RBFOX3: variants seen among roughly 807,000 people sequenced by gnomAD.
RBFOX3 encodes the protein RNA binding fox-1 homolog 3.
Under a neutral mutation model 48.7 loss-of-function variants are expected in RBFOX3, and 17 were observed. The ratio of observed to expected loss-of-function variants is 0.35; its 90% CI spans 0.24 to 0.52. The LOEUF is 0.52. Among genes scored for constraint, RBFOX3 ranks in the 20% least tolerant of loss-of-function variants. The pLI, the probability that RBFOX3 is intolerant of heterozygous loss-of-function variation, is 0.94. For missense variants in RBFOX3, 382 were observed against 497.5 expected, an observed-to-expected ratio of 0.77 and a Z score of 2.21; for synonymous variants, 212 against 209.5, an observed-to-expected ratio of 1.01 and a Z score of -0.10.
chr17:79,328,095 TG>T (rs1423959439), intron 2 of RBFOX3, among the ~76,000 whole-genome samples: 2 of 151,918 alleles, frequency 1.3e-5, no homozygotes, highest in African/African-American at 4.8e-5. Context: ...TGCTGAGCAG[TG>T]GAAAAGGTGG....
At chr17:79,478,584 C>A (rs2078315571) in intron 2 of RBFOX3, among the ~76,000 whole-genome samples, 1 of 152,232 alleles carries the variant, frequency 6.6e-6, no homozygotes, top group African/African-American at 2.4e-5. Context: ...CTTGGCTCCT[C>A]TGTGTGACCC....
rs534125118 is a variant in RBFOX3, at chr17:79,107,811, C to T, written c.223-1023G>A. ...AGGCTGTTTGTTTTCCCGCTCAGCCCACTGGCAAGGCGGGTGGGTGGCACA... is the reference window on the plus strand; with the variant it reads ...AGGCTGTTTGTTTTCCCGCTCAGCCTACTGGCAAGGCGGGTGGGTGGCACA... On this transcript the variant is annotated intron_variant, in intron 5 of 14. Transcript: ENST00000693108. 3.3e-5 allele frequency among the ~76,000 whole-genome samples: 5 copies of T among 152,330 alleles called. No homozygotes were observed. The East Asian group carries it at 7.7e-4, about 24-fold the overall frequency.
Position 79,364,447 on chromosome 17 carries a change from C to T in RBFOX3, c.-174-56623G>A, listed in dbSNP as rs1020661859. On this transcript the variant is annotated intron_variant, in intron 2 of 14. Transcript: ENST00000693108. The surrounding 1 kb of genome is among the most constrained non-coding windows in gnomAD (Gnocchi z 5.1). ...TCTGAACTCTGCGAGGAAAGAGATG[C>T]TCTCTGCAGCTGGGGACAGTGCTGC... Among the ~76,000 whole-genome samples, 1 of 152,242 alleles carries T rather than the reference C, an allele frequency of 6.6e-6. No individual in the cohort carries two copies. Among genetic ancestry groups the T allele is most frequent in the African/African-American group, 2.4e-5 (1 of 41,466 alleles).
chr17:79,319,866 G>A (rs1360875276), intron 2 of RBFOX3, among the ~76,000 whole-genome samples: 1 of 56,180 alleles, frequency 1.8e-5, no homozygotes, highest in African/African-American at 9.6e-5. Flanking sequence ...CTGGGCTGCT[G>A]GTCCTGTCTG....
rs559870659 is a variant in RBFOX3, at chr17:79,428,103, C to T, written c.-175+54351G>A. ...TGGGCCCACAAGGCAGCCACTGTGC[C>T]GAGACAGACTCCGCCTGCAGCAATA... is the stretch of plus-strand genomic sequence containing the variant. On this transcript the variant is annotated intron_variant, in intron 2 of 14. Coordinates refer to ENST00000693108, the MANE Select transcript of RBFOX3 (RefSeq NM_001350451.2). Among the ~76,000 whole-genome samples the T allele has an allele frequency of 2.6e-5, 4 of 152,354 alleles. No individual in the cohort carries two copies. The South Asian group carries it at 6.2e-4, about 24-fold the overall frequency.
intron 4 of RBFOX3, among the ~76,000 whole-genome samples, chr17:79,221,031 A>T (rs79980333): frequency 0.015 from 2,211 of 152,258 alleles, 32 homozygotes; most frequent in African/African-American, 0.04. Context: ...TACCTTCTCC[A>T]CTAACCCACC....
intron 1 of RBFOX3, among the ~76,000 whole-genome samples, chr17:79,590,295 A>G (rs2145069608): frequency 6.6e-6 from 1 of 152,284 alleles, no homozygotes; most frequent in African/African-American, 2.4e-5. Context: ...GTCGTTTTAA[A>G]AGGGAGGGGG....
intron 4 of RBFOX3, among the ~76,000 whole-genome samples, chr17:79,137,506 A>C (rs1225211918): frequency 6.6e-6 from 1 of 152,188 alleles, no homozygotes; most frequent in African/African-American, 2.4e-5. Flanking sequence ...TCGTGCACGC[A>C]GCAGTGCACC....
chr17:79,403,115 G>A (rs1410889778), intron 2 of RBFOX3, among the ~76,000 whole-genome samples: 1 of 152,220 alleles, frequency 6.6e-6, no homozygotes, highest in Non-Finnish European at 1.5e-5. Context: ...CCAGGGGGAA[G>A]GAGGAAGACT....
At chr17:79,626,357 C>A in the RBFOX3 span, among the ~76,000 whole-genome samples, 1 of 152,220 alleles carries the variant, frequency 6.6e-6, no homozygotes, top group Non-Finnish European at 1.5e-5. Context: ...GAAAGCCTTC[C>A]TTCCCAGCTA....
the RBFOX3 span, among the ~76,000 whole-genome samples, chr17:79,646,480 G>T: frequency 1.3e-5 from 2 of 152,214 alleles, no homozygotes; most frequent in Non-Finnish European, 2.9e-5. Context: ...AGGCAAAGGA[G>T]AAGCAAACGC....
At chr17:79,352,532 G>T (rs2084158646) in intron 2 of RBFOX3, among the ~76,000 whole-genome samples, 2 of 152,262 alleles carry the variant, frequency 1.3e-5, no homozygotes, top group Admixed American at 6.5e-5. Context: ...GGGAATGCAT[G>T]GTCTCCAAGT....
chr17:79,384,327 GA>G (rs2060301448), intron 2 of RBFOX3, among the ~76,000 whole-genome samples: 1 of 152,172 alleles, frequency 6.6e-6, no homozygotes, highest in Non-Finnish European at 1.5e-5. Flanking sequence ...GGCTGTGGGG[GA>G]GAAGTCCACC....
intron 2 of RBFOX3, among the ~76,000 whole-genome samples, chr17:79,394,382 G>A (rs2061732831): frequency 6.6e-6 from 1 of 152,184 alleles, no homozygotes; most frequent in African/African-American, 2.4e-5. Context: ...CTCCACCACT[G>A]GGGCAGGGGT....
chr17:79,458,141 C>T (rs1335497652), intron 2 of RBFOX3, among the ~76,000 whole-genome samples: 2 of 152,234 alleles, frequency 1.3e-5, no homozygotes, highest in African/African-American at 2.4e-5. Context: ...AGAGGTCCGT[C>T]TGCCAGGCCC....
Position 79,443,194 on chromosome 17 carries a change from C to G in RBFOX3, c.-175+39260G>C, listed in dbSNP as rs1555736093. Among the ~76,000 whole-genome samples, 2 of 152,204 alleles carry G rather than the reference C, an allele frequency of 1.3e-5. No homozygotes were observed. The highest frequency in any genetic ancestry group is 6.5e-5 in the Admixed American group (1 of 15,292). On this transcript the variant is annotated intron_variant, in intron 2 of 14. Coordinates refer to ENST00000693108, the MANE Select transcript of RBFOX3 (RefSeq NM_001350451.2). This position sits in a 1 kb window ranked among gnomAD's most constrained non-coding sequence, Gnocchi z 4.4. ...AGGAAGTCAGATCAGCCGAAGGGGC[C>G]CAGCGTCCAGTCCAATCCTGGGTGC...
At position 79,089,614 on chromosome 17, in the gene RBFOX3, T is replaced by C. The variant is rs2073545833; in HGVS notation, c.*1269A>G. 1 of 152,596 alleles carries C rather than the reference T, an allele frequency of 6.6e-6. No individual in the cohort carries two copies. The highest frequency in any genetic ancestry group is 2.1e-4 in the South Asian group (1 of 4,834). The allele number at this position is 152,596 out of a possible 1,614,324, so 9.5% of individuals were successfully genotyped here. On this transcript the variant is annotated 3_prime_UTR_variant, in exon 15 of 15. Transcript: ENST00000693108. ...ATAGAAAAGGAGAATTCCATTTCAA[T>C]AGCTGATGCTGAATAGAAAGTGAGG...
intron 1 of RBFOX3, among the ~76,000 whole-genome samples, chr17:79,580,150 T>C (rs1386332481): frequency 6.6e-6 from 1 of 151,896 alleles, no homozygotes; most frequent in Non-Finnish European, 1.5e-5. Context: ...GCTTCTGTGC[T>C]CCGTCCTCCC....
At chr17:79,578,979 C>T (rs2092953689) in intron 1 of RBFOX3, among the ~76,000 whole-genome samples, 1 of 152,226 alleles carries the variant, frequency 6.6e-6, no homozygotes, top group East Asian at 1.9e-4. Flanking sequence ...CTCAGGGTGG[C>T]TGCACTTCAG....
Sources: allele counts gnomAD v4.1 joint callset (sites outside exome capture counted in the v4.1 genomes callset), GRCh38; gene constraint gnomAD v4.1.1; non-coding constraint Gnocchi (gnomAD v3.1); transcripts MANE v1.5; gene names NCBI Gene and HGNC (gene_info 2026-07-23, HGNC 2026-07-21).